The following SLC14A2 variants were observed in gnomAD, a reference collection of about 807,000 sequenced individuals.
SLC14A2 encodes the protein solute carrier family 14 member 2.
In SLC14A2, 91 loss-of-function variants were observed where a neutral mutation model predicts 104.6. The ratio of observed to expected loss-of-function variants is 0.87; its 90% CI spans 0.73 to 1.04. The LOEUF (loss-of-function observed/expected upper bound fraction) is 1.04. Among genes scored for constraint, SLC14A2 ranks in the 50% least tolerant of loss-of-function variants. SLC14A2 has a pLI of 0.00. For missense variants in SLC14A2, 1,189 were observed against 1,156.0 expected, an observed-to-expected ratio of 1.03 and a Z score of -0.41; for synonymous variants, 476 against 466.4, an observed-to-expected ratio of 1.02 and a Z score of -0.27.
chr18:45,480,684 A>C (rs1162544897), intron 1 of SLC14A2, among the ~76,000 whole-genome samples: 2 of 152,100 alleles, frequency 1.3e-5, no homozygotes, highest in African/African-American at 4.8e-5. Context: ...GCCCACTGCC[A>C]CCTTCCCCCT....
intron 1 of SLC14A2, among the ~76,000 whole-genome samples, chr18:45,232,040 A>AC: frequency 6.6e-6 from 1 of 152,278 alleles, no homozygotes; most frequent in South Asian, 2.1e-4. Context: ...CAATAGTAAA[A>AC]AAAAAAAACA....
chr18:45,592,471 TTCCCAG>T (rs2044661948), intron 2 of SLC14A2, among the ~76,000 whole-genome samples: 2 of 152,156 alleles, frequency 1.3e-5, no homozygotes, highest in South Asian at 4.1e-4. Context: ...AAGCGCCCCA[TTCCCAG>T]TCCCATCTTG....
chr18:45,262,318 G>A (rs1182934793), intron 1 of SLC14A2, among the ~76,000 whole-genome samples: 2 of 152,150 alleles, frequency 1.3e-5, no homozygotes, highest in African/African-American at 4.8e-5. Context: ...GGAATAGGAT[G>A]GGAACCAGCA....
the SLC14A2 span, among the ~76,000 whole-genome samples, chr18:45,183,515 GC>G: frequency 6.6e-6 from 1 of 152,040 alleles, no homozygotes; most frequent in African/African-American, 2.4e-5. Context: ...TGTTTCTTTA[GC>G]CCACATCCAA....
At chr18:45,318,821 G>A (rs755865881) in intron 1 of SLC14A2, among the ~76,000 whole-genome samples, 4 of 151,936 alleles carry the variant, frequency 2.6e-5, no homozygotes, top group African/African-American at 9.7e-5. Context: ...TCCTCCCCAG[G>A]CTGGGACATC....
chr18:45,414,320 C>A (rs2086245847), intron 1 of SLC14A2, among the ~76,000 whole-genome samples: 1 of 152,184 alleles, frequency 6.6e-6, no homozygotes, highest in Admixed American at 6.5e-5. Flanking sequence ...TTGGGTGATT[C>A]TCAGCTGGGA....
chr18:45,611,575 C>G (rs913372523), upstream of SLC14A2, among the ~76,000 whole-genome samples: 1 of 152,126 alleles, frequency 6.6e-6, no homozygotes, highest in Non-Finnish European at 1.5e-5. Flanking sequence ...ACATTGAATC[C>G]AAAGACAAAA....
chr18:45,266,012 A>T (rs2084588947), intron 1 of SLC14A2, among the ~76,000 whole-genome samples: 1 of 152,162 alleles, frequency 6.6e-6, no homozygotes, highest in South Asian at 2.1e-4. Flanking sequence ...AAAATTGATT[A>T]ACAACAAAAA....
chr18:45,183,693 C>A, the SLC14A2 span, among the ~76,000 whole-genome samples: 1 of 150,702 alleles, frequency 6.6e-6, no homozygotes, highest in South Asian at 2.1e-4. Flanking sequence ...CTCTCTTTCT[C>A]TCTGTCTCTC....
intron 4 of SLC14A2, among the ~76,000 whole-genome samples, chr18:45,630,492 G>A (rs1202666867): frequency 1.3e-5 from 2 of 152,084 alleles, no homozygotes; most frequent in African/African-American, 4.8e-5. Context: ...TGGTCTTAAT[G>A]GAGACCTTTT....
intron 1 of SLC14A2, among the ~76,000 whole-genome samples, chr18:45,285,633 G>T (rs2084805427): frequency 6.8e-6 from 1 of 147,344 alleles, no homozygotes; most frequent in Non-Finnish European, 1.5e-5. Context: ...GGCCAGGCTG[G>T]TCTCGAACTC....
intron 1 of SLC14A2, chr18:45,424,098 G>A (rs781072553): frequency 2.0e-5 from 3 of 152,246 alleles, no homozygotes; most frequent in Non-Finnish European, 4.4e-5. Context: ...GGAGGTTGAA[G>A]ACGTCACGTA....
intron 2 of SLC14A2, among the ~76,000 whole-genome samples, chr18:45,625,256 T>C (rs757417561): frequency 6.6e-6 from 1 of 152,210 alleles, no homozygotes; most frequent in Non-Finnish European, 1.5e-5. Context: ...GGAGGTCCCA[T>C]ATCTTTACTC....
At chr18:45,551,195 G>T (rs1456987727) in intron 2 of SLC14A2, among the ~76,000 whole-genome samples, 1 of 152,100 alleles carries the variant, frequency 6.6e-6, no homozygotes, top group South Asian at 2.1e-4. Context: ...TTTGCACCAA[G>T]ACACTATTTT....
intron 10 of SLC14A2, among the ~76,000 whole-genome samples, chr18:45,654,275 A>G (rs1409307825): frequency 6.6e-6 from 1 of 152,146 alleles, no homozygotes; most frequent in African/African-American, 2.4e-5. Flanking sequence ...ATAGCAAGTC[A>G]GACAGAGGAT....
chr18:45,625,717 T>C lies in SLC14A2; in HGVS notation c.185T>C (p.Val62Ala). The change falls in exon 3 of 20, where the codon GTG (valine) becomes GCG (alanine). Residue 62 changes from valine to alanine, a missense_variant. Coordinates refer to ENST00000255226, the MANE Select transcript of SLC14A2 (RefSeq NM_007163.4). ...LRSSNEDSHI[V>A]KIEKLNERSK... ...TCTTCCAATGAAGACAGTCACATTG[T>C]GAAGATCGAAAAGCTCAATGAAAGG... 6.4e-7 allele frequency: 1 copy of C among 1,562,582 alleles called. No homozygotes were observed. The highest frequency in any genetic ancestry group is 8.6e-7 in the Non-Finnish European group (1 of 1,159,842).
intron 2 of SLC14A2, among the ~76,000 whole-genome samples, chr18:45,493,481 A>C (rs1022029534): frequency 6.6e-6 from 1 of 152,370 alleles, no homozygotes; most frequent in Middle Eastern, 3.4e-3. Context: ...TAATAACAAC[A>C]GCATTATCTA....
At position 45,453,445 on chromosome 18, in the gene SLC14A2, T is replaced by G. The variant is rs1231375063; in HGVS notation, c.-124-29788T>G. Among the ~76,000 whole-genome samples, 4 of 152,126 alleles carry G rather than the reference T, an allele frequency of 2.6e-5. No individual in the cohort carries two copies. In the South Asian group the frequency reaches 8.3e-4, roughly 32 times the overall value. ...AAAATCAAAAATTAATGTCAAAAAT[T>G]TATGATAAGCAAAGTATCAAAATGT... is the stretch of plus-strand genomic sequence containing the variant. On this transcript the variant is annotated intron_variant, in intron 1 of 20. Transcript: ENST00000586448.
At chr18:45,414,749 AAAAAAAAAATATATATAT>A (rs1420382538) in intron 1 of SLC14A2, among the ~76,000 whole-genome samples, 4 of 61,020 alleles carry the variant, frequency 6.6e-5, no homozygotes, top group African/African-American at 3.4e-4. Flanking sequence ...GAGCGTAAAA[AAAAAAAAAATATATATAT>A]ATATATATAT....
Sources: gnomAD v4.1 joint callset for allele counts (sites outside exome capture counted in the v4.1 genomes callset) on GRCh38, gnomAD v4.1.1 for gene constraint, MANE v1.5 for transcripts, NCBI Gene and HGNC (gene_info 2026-07-23, HGNC 2026-07-21) for gene names.